The following DAGLA variants were observed in gnomAD, a reference collection of about 807,000 sequenced individuals.
DAGLA encodes diacylglycerol lipase alpha.
In DAGLA, 22 loss-of-function variants were observed where a neutral mutation model predicts 102.6. That is an observed-to-expected ratio of 0.21 (90% CI 0.15 to 0.31). The LOEUF (loss-of-function observed/expected upper bound fraction) is 0.31, where lower values mean the gene tolerates loss of function less well. DAGLA is among the 10% of genes least tolerant of loss of function. The pLI is 1.00. For missense variants in DAGLA, 927 were observed against 1,446.6 expected (o/e 0.64, Z 5.83); for synonymous variants, 578 against 628.9 (o/e 0.92, Z 1.21).
intron 6 of DAGLA, among the ~76,000 whole-genome samples, chr11:61,727,141 CAG>C (rs370974878): frequency 3.3e-5 from 5 of 152,222 alleles, no homozygotes; most frequent in Admixed American, 6.5e-5. Context: ...CTGATGGCCT[CAG>C]GGGGCAGGTC....
In DAGLA at chr11:61,729,133, C is replaced by G. The variant is rs562690270; in HGVS notation, c.849+125C>G. 2.9e-4 allele frequency: 230 copies of G among 806,516 alleles called. 3 individuals carry two copies. The South Asian group carries it at 3.4e-3, about 12-fold the overall frequency. 50.0% of individuals were successfully genotyped at this position (806,516 alleles called of 1,614,324 possible). On this transcript the variant is annotated intron_variant, in intron 8 of 19. Transcript: ENST00000257215. Reference sequence around the variant, plus strand: ...CCACATTGCCCCTGCCCGGTCTCCCCCCGGCTCTCCAGAGAGCCTCTCTGC... The same window carrying G: ...CCACATTGCCCCTGCCCGGTCTCCCGCCGGCTCTCCAGAGAGCCTCTCTGC...
chr11:61,688,687 A>G (rs1302288936), intron 1 of DAGLA, among the ~76,000 whole-genome samples: 1 of 152,134 alleles, frequency 6.6e-6, no homozygotes, highest in East Asian at 1.9e-4. Flanking sequence ...CCCATCTCCC[A>G]CATGCAGCCT....
In DAGLA at chr11:61,736,233, C is replaced by T. The variant is rs1411062933; in HGVS notation, c.1291-37C>T. On this transcript the variant is annotated intron_variant, in intron 12 of 19. Coordinates refer to ENST00000257215, the MANE Select transcript of DAGLA (RefSeq NM_006133.3). ...GTGGGTTTGCTGGTCACTGGGAGGC[C>T]TCCCACCAACACCTGCTTCTGTTCC... 3 of 1,582,470 alleles carry T rather than the reference C, an allele frequency of 1.9e-6. No individual in the cohort carries two copies. In the South Asian group the frequency reaches 3.3e-5, roughly 18 times the overall value.
Position 61,739,479 on chromosome 11 carries a change from G to C in DAGLA, c.1671G>C (p.Val557=). ...ACCCCGCGCAGTGGCGGATCATCGT[G>C]GGGGCCACCAAATGCATCCCCAAGT... ...RSTKPKWRII[V]GATKCIPKSE... is the part of the protein sequence containing the mutation. The change falls in exon 17 of 20, where the codon GTG becomes GTC. Residue 557 remains valine, a synonymous_variant. Transcript: ENST00000257215. 1 of 1,613,670 alleles carries C rather than the reference G, an allele frequency of 6.2e-7. No individual in the cohort carries two copies. Among genetic ancestry groups the C allele is most frequent in the Non-Finnish European group, 8.5e-7 (1 of 1,179,986 alleles).
At chr11:61,726,750 A>T (rs2065330521) in intron 6 of DAGLA, among the ~76,000 whole-genome samples, 1 of 152,232 alleles carries the variant, frequency 6.6e-6, no homozygotes, top group Admixed American at 6.5e-5. Flanking sequence ...AGAGCCAGTG[A>T]GGTCAGGAGA....
rs2135597845 is a variant in DAGLA, at chr11:61,734,460, C to T, written c.975-389C>T. 6.6e-6 allele frequency among the ~76,000 whole-genome samples: 1 copy of T among 152,034 alleles called. No individual in the cohort carries two copies. Among genetic ancestry groups the T allele is most frequent in the Admixed American group, 6.5e-5 (1 of 15,286 alleles). Reference sequence around the variant, plus strand: ...TGTTGGGGCAGGCCTGGGGTGGATTCCTGAGCATGCAGATGGTGTCTAAAA... The same window carrying T: ...TGTTGGGGCAGGCCTGGGGTGGATTTCTGAGCATGCAGATGGTGTCTAAAA... On this transcript the variant is annotated intron_variant, in intron 9 of 19. Coordinates refer to ENST00000257215, the MANE Select transcript of DAGLA (RefSeq NM_006133.3). The surrounding 1 kb of genome is among the most constrained non-coding windows in gnomAD (Gnocchi z 4.2).
chr11:61,721,736 A>C (rs563185356), intron 3 of DAGLA, among the ~76,000 whole-genome samples: 1 of 152,192 alleles, frequency 6.6e-6, no homozygotes, highest in Non-Finnish European at 1.5e-5. Context: ...TGTAGTGAAC[A>C]CTGCTCTTGT....
chr11:61,719,235 T>G (rs1431787715), intron 1 of DAGLA, among the ~76,000 whole-genome samples: 1 of 152,220 alleles, frequency 6.6e-6, no homozygotes, highest in Non-Finnish European at 1.5e-5. Flanking sequence ...TGGGGCTGAT[T>G]TGAATTCAGC....
At chr11:61,743,124 G>A (rs2065495387) in intron 19 of DAGLA, among the ~76,000 whole-genome samples, 1 of 152,100 alleles carries the variant, frequency 6.6e-6, no homozygotes, top group African/African-American at 2.4e-5. Context: ...CAGCACTTTG[G>A]GAGGCCGAGG....
intron 1 of DAGLA, among the ~76,000 whole-genome samples, chr11:61,712,002 A>T (rs1039731307): frequency 6.6e-6 from 1 of 152,210 alleles, no homozygotes; most frequent in African/African-American, 2.4e-5. Flanking sequence ...GCTATATAAG[A>T]GTTTGTTTTT....
intron 1 of DAGLA, among the ~76,000 whole-genome samples, chr11:61,716,642 C>T (rs761940439): frequency 9.9e-5 from 15 of 152,128 alleles, no homozygotes; most frequent in Admixed American, 1.3e-4. Context: ...TCAGAGAGGG[C>T]GAGGCATATG....
rs1261489489 is a variant in DAGLA at position 61,734,661 on chromosome 11, G to C, written c.975-188G>C. Among the ~76,000 whole-genome samples the C allele has an allele frequency of 1.3e-5, 2 of 152,214 alleles. No individual in the cohort carries two copies. Among genetic ancestry groups the C allele is most frequent in the Non-Finnish European group, 1.5e-5 (1 of 68,024 alleles). On this transcript the variant is annotated intron_variant, in intron 9 of 19. Transcript: ENST00000257215. The surrounding 1 kb of genome is among the most constrained non-coding windows in gnomAD (Gnocchi z 4.2). The stretch of plus-strand genomic sequence containing the variant: ...AGGGTCAGGTGCCGCCAAGAGCTCA[G>C]TTAAGAGGAAGGCTAAGAGTGGCCA...
chr11:61,719,729 G>C (rs1387509153), intron 1 of DAGLA, among the ~76,000 whole-genome samples: 1 of 152,218 alleles, frequency 6.6e-6, no homozygotes, highest in Non-Finnish European at 1.5e-5. Flanking sequence ...CAAGGACAGT[G>C]TGCACTGGGC....
rs1408417369 is a variant in DAGLA at position 61,746,421 on chromosome 11, C to T, written c.*1932C>T. 1 of 152,528 alleles carries T rather than the reference C, an allele frequency of 6.6e-6. No homozygotes were observed. The highest frequency in any genetic ancestry group is 1.5e-5 in the Non-Finnish European group (1 of 68,036). 9.4% of individuals were successfully genotyped at this position (152,528 alleles called of 1,614,324 possible). On this transcript the variant is annotated 3_prime_UTR_variant, in exon 20 of 20. Coordinates refer to ENST00000257215, the MANE Select transcript of DAGLA (RefSeq NM_006133.3). Reference sequence around the variant, plus strand: ...GACTTGATGTCTGGCCTTTTAATTCCTCCTCTGCCAGGGTGGGTCCTGGGA... The same window carrying T: ...GACTTGATGTCTGGCCTTTTAATTCTTCCTCTGCCAGGGTGGGTCCTGGGA...
At chr11:61,725,836 G>C (rs925200529) in intron 5 of DAGLA, among the ~76,000 whole-genome samples, 159 bp from the exon 6 acceptor site, 2 of 152,238 alleles carry the variant, frequency 1.3e-5, no homozygotes, top group Non-Finnish European at 2.9e-5. Flanking sequence ...CTGGCCACCA[G>C]CTCTGGCAGG....
At chr11:61,737,582 C>A in intron 14 of DAGLA, 105 bp from the exon 15 acceptor site, 2 of 1,198,892 alleles carry the variant, frequency 1.7e-6, no homozygotes, top group South Asian at 1.3e-5. Flanking sequence ...CGGGAGCCAT[C>A]CCAGGAGTGC....
chr11:61,723,802 A>G (rs2065304123), intron 5 of DAGLA, among the ~76,000 whole-genome samples: 2 of 152,236 alleles, frequency 1.3e-5, no homozygotes, highest in African/African-American at 2.4e-5. Context: ...TAACTGAGCT[A>G]ATACCTGCAG....
Position 61,744,519 on chromosome 11 carries a change from G to A in DAGLA, c.*30G>A. On this transcript the variant is annotated 3_prime_UTR_variant, in exon 20 of 20. Coordinates refer to ENST00000257215, the MANE Select transcript of DAGLA (RefSeq NM_006133.3). The stretch of plus-strand genomic sequence containing the variant: ...CCAGTTGCGTGGCCAGCCGGGCCCA[G>A]GCAGGAGCAGGTGGCCCTGTGGGCA... 1 of 1,514,584 alleles carries A rather than the reference G, an allele frequency of 6.6e-7. No homozygotes were observed. The highest frequency in any genetic ancestry group is 1.4e-5 in the African/African-American group (1 of 72,042). 93.8% of individuals were successfully genotyped at this position (1,514,584 alleles called of 1,614,324 possible). A position where few individuals can be genotyped will look rare whatever the true frequency, so the allele number is the denominator to read the frequency against.
At position 61,686,827 on chromosome 11, in the gene DAGLA, C is replaced by T. The variant is rs1220932732; in HGVS notation, c.-45+6323C>T. Among the ~76,000 whole-genome samples, 10 of 152,130 alleles carry T rather than the reference C, an allele frequency of 6.6e-5. No homozygotes were observed. Among genetic ancestry groups the T allele is most frequent in the Non-Finnish European group, 1.5e-4 (10 of 68,032 alleles). ...GGTTAATCTATTATTGATGTCCCTT[C>T]GTTTATATAACATATGCTGCACCTC... On this transcript the variant is annotated intron_variant, in intron 1 of 19. Coordinates refer to ENST00000257215, the MANE Select transcript of DAGLA (RefSeq NM_006133.3). This position sits in a 1 kb window ranked among gnomAD's most constrained non-coding sequence, Gnocchi z 5.2.
Sources: gnomAD v4.1 joint callset for allele counts (sites outside exome capture counted in the v4.1 genomes callset) on GRCh38, gnomAD v4.1.1 for gene constraint, Gnocchi (gnomAD v3.1) non-coding constraint, MANE v1.5 for transcripts, NCBI Gene and HGNC (gene_info 2026-07-23, HGNC 2026-07-21) for gene names.